TAFA1: variants seen among roughly 807,000 people sequenced by gnomAD.
TAFA1 encodes the protein TAFA chemokine like family member 1.
In TAFA1, 4 loss-of-function variants were observed where a neutral mutation model predicts 18.5. The ratio of observed to expected loss-of-function variants is 0.22; its 90% confidence interval spans 0.11 to 0.49. The LOEUF (loss-of-function observed/expected upper bound fraction) is 0.49. TAFA1 is among the 20% of genes least tolerant of loss of function. The pLI, the probability that TAFA1 is intolerant of heterozygous loss-of-function variation, is 0.98. For synonymous variants in TAFA1, 56 were observed against 55.2 expected (o/e 1.01, Z -0.06); for missense variants, 147 against 169.0 (o/e 0.87, Z 0.72).
chr3:68,467,546 AG>A (rs1339929443), intron 3 of TAFA1, among the ~76,000 whole-genome samples: 8 of 152,188 alleles, frequency 5.3e-5, no homozygotes, highest in Non-Finnish European at 1.0e-4. Context: ...GACCACTGCA[AG>A]GGGGTCTTGG....
chr3:68,438,485 C>A (rs2071305290), intron 3 of TAFA1, among the ~76,000 whole-genome samples: 1 of 152,170 alleles, frequency 6.6e-6, no homozygotes, highest in African/African-American at 2.4e-5. Flanking sequence ...TGGACTCAGT[C>A]TACCCAGCTC....
chr3:68,457,860 G>A (rs182351883), intron 3 of TAFA1, among the ~76,000 whole-genome samples: 15 of 152,132 alleles, frequency 9.9e-5, no homozygotes, highest in East Asian at 3.9e-4. Flanking sequence ...TTTAGAGTCC[G>A]CATATAAATG....
chr3:68,201,543 A>C (rs1575676452), intron 2 of TAFA1, among the ~76,000 whole-genome samples: 2 of 151,826 alleles, frequency 1.3e-5, no homozygotes, highest in East Asian at 3.9e-4. Flanking sequence ...GTTTTTGCTT[A>C]ATGTATTTTG....
chr3:68,081,621 G>C (rs934838813), intron 2 of TAFA1, among the ~76,000 whole-genome samples: 2 of 152,216 alleles, frequency 1.3e-5, no homozygotes, highest in Non-Finnish European at 2.9e-5. Flanking sequence ...CAGTTAGGCT[G>C]CTCGGGGGTC....
At chr3:68,084,515 C>T (rs1012699544) in intron 2 of TAFA1, among the ~76,000 whole-genome samples, 3 of 152,160 alleles carry the variant, frequency 2.0e-5, no homozygotes, top group Admixed American at 2.0e-4. Context: ...AATTAGTCCC[C>T]GGCTGGACAT....
intron 2 of TAFA1, among the ~76,000 whole-genome samples, chr3:68,269,957 A>C (rs2067630924): frequency 6.6e-6 from 1 of 152,096 alleles, no homozygotes; most frequent in Non-Finnish European, 1.5e-5. Flanking sequence ...CTGTGGTCGA[A>C]CCTGTTACTC....
At chr3:68,268,411 G>GT (rs2067589669) in intron 2 of TAFA1, among the ~76,000 whole-genome samples, 1 of 152,088 alleles carries the variant, frequency 6.6e-6, no homozygotes, top group Non-Finnish European at 1.5e-5. Flanking sequence ...CTCATTGTGG[G>GT]TGTGGAGACA....
chr3:68,444,331 A>T (rs533987912), intron 3 of TAFA1, among the ~76,000 whole-genome samples: 2 of 152,266 alleles, frequency 1.3e-5, no homozygotes, highest in East Asian at 3.9e-4. Context: ...CCTACCAGTG[A>T]TCACATCCAA....
intron 2 of TAFA1, among the ~76,000 whole-genome samples, chr3:68,214,971 A>G (rs1023588958): frequency 6.6e-6 from 1 of 151,950 alleles, no homozygotes; most frequent in African/African-American, 2.4e-5. Context: ...GGTTGTATAT[A>G]CTGTTGCTGA....
rs558003294 is a variant in TAFA1 at position 68,397,278 on chromosome 3, G to T, written c.119-20002G>T. ...CACCTAGGTTTTAAGTCCCGCATGC[G>T]TTAGGTATTTGTCCTAATGCTGTCC... On this transcript the variant is annotated intron_variant, in intron 2 of 4. Coordinates refer to ENST00000478136, the MANE Select transcript of TAFA1 (RefSeq NM_213609.4). Among the ~76,000 whole-genome samples the T allele has an allele frequency of 2.0e-5, 3 of 151,066 alleles. No homozygotes were observed. The East Asian group carries it at 5.9e-4, about 30-fold the overall frequency.
intron 3 of TAFA1, among the ~76,000 whole-genome samples, chr3:68,532,505 G>A (rs1458068676): frequency 6.6e-6 from 1 of 152,062 alleles, no homozygotes; most frequent in Admixed American, 6.6e-5. Context: ...TAGATTTCTT[G>A]TTTAGATACA....
chr3:68,445,682 C>T (rs983731122), intron 3 of TAFA1, among the ~76,000 whole-genome samples: 1 of 152,146 alleles, frequency 6.6e-6, no homozygotes, highest in East Asian at 1.9e-4. Flanking sequence ...TCAGAATCAC[C>T]TAGAGGGTTT....
chr3:68,541,248 A>G lies in TAFA1; in HGVS notation c.384+2368A>G, dbSNP rs149956604. On this transcript the variant is annotated intron_variant, in intron 4 of 4. Coordinates refer to ENST00000478136, the MANE Select transcript of TAFA1 (RefSeq NM_213609.4). ...AGAGGACTCAAATGCTCTTACTGAC[A>G]TACGTCCTCCCTCCTCCCTCCTTCT... Among the ~76,000 whole-genome samples the G allele has an allele frequency of 7.2e-3, 1,102 of 152,288 alleles. 13 individuals are homozygous for G. Among genetic ancestry groups the G allele is most frequent in the African/African-American group, 0.025 (1,052 of 41,564 alleles).
chr3:68,538,921 CT>C (rs1338763881), intron 4 of TAFA1, 41 bp downstream of exon 4: 10 of 1,606,642 alleles, frequency 6.2e-6, no homozygotes, highest in Non-Finnish European at 8.5e-6. Context: ...ATGTTACAGA[CT>C]GTACTATTTG....
intron 2 of TAFA1, among the ~76,000 whole-genome samples, chr3:68,042,536 C>G (rs1050295392): frequency 6.6e-6 from 1 of 152,104 alleles, no homozygotes; most frequent in African/African-American, 2.4e-5. Context: ...GTAATCCCAG[C>G]TACTTGGGAG....
chr3:68,528,017 T>G (rs1323333211), intron 3 of TAFA1, among the ~76,000 whole-genome samples: 1 of 152,196 alleles, frequency 6.6e-6, no homozygotes, highest in Non-Finnish European at 1.5e-5. Flanking sequence ...AAATATAATG[T>G]AGATCCTCTA....
Position 68,322,133 on chromosome 3 carries a change from C to T in TAFA1, c.119-95147C>T, listed in dbSNP as rs139482866. On this transcript the variant is annotated intron_variant, in intron 2 of 4. Coordinates refer to ENST00000478136, the MANE Select transcript of TAFA1 (RefSeq NM_213609.4). ...AGGCTAATTTCCTAATTTCCTGGGCCTGGGGCCATAAGCTAAAATTACATA... is the reference window on the plus strand; with the variant it reads ...AGGCTAATTTCCTAATTTCCTGGGCTTGGGGCCATAAGCTAAAATTACATA... Among the ~76,000 whole-genome samples the T allele has an allele frequency of 4.9e-3, 751 of 152,284 alleles. 6 individuals carry two copies. Among genetic ancestry groups the T allele is most frequent in the African/African-American group, 0.017 (702 of 41,554 alleles).
intron 2 of TAFA1, among the ~76,000 whole-genome samples, chr3:68,211,610 T>A (rs111801036): frequency 6.6e-6 from 1 of 151,936 alleles, no homozygotes; most frequent in African/African-American, 2.4e-5. Context: ...TACTTGAGAC[T>A]GGGTAATTTA....
At position 68,167,470 on chromosome 3, in the gene TAFA1, G is replaced by T. The variant is rs915860555; in HGVS notation, c.118+160726G>T. ...CGTGCGCCTGTAGTCCCAGCTACTCGGGAGGCTGAGGCAGGAGAATGGCCT... is the reference window on the plus strand; with the variant it reads ...CGTGCGCCTGTAGTCCCAGCTACTCTGGAGGCTGAGGCAGGAGAATGGCCT... On this transcript the variant is annotated intron_variant, in intron 2 of 4. Transcript: ENST00000478136. 3.9e-4 allele frequency among the ~76,000 whole-genome samples: 59 copies of T among 151,832 alleles called. 1 individual carries two copies. Among genetic ancestry groups the T allele is most frequent in the Admixed American group, 9.8e-4 (15 of 15,250 alleles).
Sources: allele counts gnomAD v4.1 joint callset (sites outside exome capture counted in the v4.1 genomes callset), GRCh38; gene constraint gnomAD v4.1.1; transcripts MANE v1.5; gene names NCBI Gene and HGNC (gene_info 2026-07-23, HGNC 2026-07-21).